METAP1: variants seen among roughly 807,000 people sequenced by gnomAD.
METAP1 encodes methionine aminopeptidase 1.
A neutral mutation model predicts 53.8 loss-of-function variants in METAP1; 28 were observed. That is an observed-to-expected ratio of 0.52 (90% confidence interval 0.39 to 0.71). The LOEUF (loss-of-function observed/expected upper bound fraction) is 0.71. METAP1 is among the 30% of genes least tolerant of loss of function. The pLI is 0.00. For missense variants in METAP1, 389 were observed against 479.8 expected, an observed-to-expected ratio of 0.81 and a Z score of 1.77; for synonymous variants, 181 against 165.7, an observed-to-expected ratio of 1.09 and a Z score of -0.71.
chr4:99,019,470 CTTG>C (rs1723961057), intron 1 of METAP1, among the ~76,000 whole-genome samples: 2 of 152,272 alleles, frequency 1.3e-5, no homozygotes, highest in Admixed American at 1.3e-4. Flanking sequence ...TGTCCCCCTT[CTTG>C]TTCTATTCTG....
At chr4:99,043,152 G>A in intron 6 of METAP1, 97 bp from the exon 7 acceptor site, 12 of 845,282 alleles carry the variant, frequency 1.4e-5, no homozygotes, top group Non-Finnish European at 2.0e-5. Context: ...ATAGTAGCAT[G>A]TGTCCAACTG....
At chr4:99,036,275 G>A (rs1434378726) in intron 4 of METAP1, among the ~76,000 whole-genome samples, 1 of 152,002 alleles carries the variant, frequency 6.6e-6, no homozygotes, top group Non-Finnish European at 1.5e-5. Context: ...ACATTCTTAT[G>A]AATATCATTT....
chr4:98,998,454 T>C (rs1722743917), intron 1 of METAP1, among the ~76,000 whole-genome samples: 1 of 152,106 alleles, frequency 6.6e-6, no homozygotes, highest in African/African-American at 2.4e-5. Flanking sequence ...ACCTGGGTGG[T>C]GGAGGTTGCA....
In METAP1 at chr4:99,061,138, T is replaced by A. The variant is rs1253104882; in HGVS notation, c.998-16T>A. The A allele has an allele frequency of 1.2e-6, 2 of 1,601,418 alleles. No homozygotes were observed. The highest frequency in any genetic ancestry group is 2.2e-5 in the South Asian group (2 of 89,218). On this transcript the variant is annotated splice_polypyrimidine_tract_variant and intron_variant, in intron 10 of 10. Coordinates refer to ENST00000296411, the MANE Select transcript of METAP1 (RefSeq NM_015143.3). The stretch of plus-strand genomic sequence containing the variant: ...GAAAACTGAGTGAACTAAGAAATTG[T>A]TTTTGTTTGTTGAAGGCGGATGGCA...
chr4:99,006,608 A>C (rs1431384559), intron 1 of METAP1, among the ~76,000 whole-genome samples: 2 of 152,202 alleles, frequency 1.3e-5, no homozygotes, highest in Non-Finnish European at 2.9e-5. Context: ...TACACCTAAG[A>C]AGATTAACAA....
At chr4:99,024,887 C>T (rs1237082276) in intron 1 of METAP1, among the ~76,000 whole-genome samples, 1 of 151,964 alleles carries the variant, frequency 6.6e-6, no homozygotes, top group African/African-American at 2.4e-5. Flanking sequence ...TTTCCATGGA[C>T]TTGGGGGTGG....
intron 1 of METAP1, among the ~76,000 whole-genome samples, chr4:99,019,792 CA>C (rs1723977497): frequency 6.6e-6 from 1 of 152,164 alleles, no homozygotes; most frequent in East Asian, 1.9e-4. Context: ...GATACCTGGC[CA>C]ACTATTGGTA....
At chr4:99,023,521 A>G in intron 1 of METAP1, 10 of 985,372 alleles carry the variant, frequency 1.0e-5, no homozygotes, top group Non-Finnish European at 1.2e-5. Context: ...ACTCTCATCA[A>G]CATGAATTGA....
chr4:99,030,782 T>G (rs1364342510), intron 2 of METAP1, among the ~76,000 whole-genome samples: 1 of 43,320 alleles, frequency 2.3e-5, no homozygotes, highest in Non-Finnish European at 9.4e-5. Flanking sequence ...ATAGTTAGGT[T>G]TTTTTTTTTT....
chr4:99,060,898 T>G (rs2110442848), intron 10 of METAP1, among the ~76,000 whole-genome samples: 1 of 152,354 alleles, frequency 6.6e-6, no homozygotes, highest in Non-Finnish European at 1.5e-5. Context: ...GTTGTTAAAA[T>G]GAAATCCAGC....
chr4:99,038,450 TTTA>T (rs1725595077), intron 4 of METAP1, among the ~76,000 whole-genome samples: 1 of 152,084 alleles, frequency 6.6e-6, no homozygotes, highest in South Asian at 2.1e-4. Context: ...TTACTTTTAC[TTTA>T]TTTATGAATG....
At chr4:99,056,152 A>G (rs1357294000) in intron 9 of METAP1, among the ~76,000 whole-genome samples, 1 of 152,194 alleles carries the variant, frequency 6.6e-6, no homozygotes, top group Non-Finnish European at 1.5e-5. Context: ...AGGGCGGGCA[A>G]ATTTGCCATT....
chr4:99,017,518 A>G (rs1723835573), intron 1 of METAP1, among the ~76,000 whole-genome samples: 1 of 152,254 alleles, frequency 6.6e-6, no homozygotes, highest in Non-Finnish European at 1.5e-5. Flanking sequence ...GGGGTTTCAG[A>G]TAGGTCTGGT....
At chr4:99,031,511 G>A (rs753706223) in intron 2 of METAP1, 7 of 1,288,114 alleles carry the variant, frequency 5.4e-6, no homozygotes, top group Non-Finnish European at 7.1e-6. Context: ...ATTACAGAGA[G>A]AAGGTGTTAT....
intron 1 of METAP1, among the ~76,000 whole-genome samples, chr4:99,008,252 A>G (rs1723275643): frequency 6.6e-6 from 1 of 152,196 alleles, no homozygotes; most frequent in African/African-American, 2.4e-5. Flanking sequence ...TTATGGAAGT[A>G]GGAGCAAGCT....
chr4:99,062,382 C>G lies in METAP1; in HGVS notation c.*1065C>G, dbSNP rs62325238. ...CTGTCCTTCGTGTGTGGAAACACAC[C>G]TCTCCTTTACATAGTTGGGAACCTC... On this transcript the variant is annotated 3_prime_UTR_variant, in exon 11 of 11. Transcript: ENST00000296411. The G allele has an allele frequency of 0.025, 3,744 of 152,632 alleles. 57 individuals are homozygous for G. The highest frequency in any genetic ancestry group is 0.035 in the Non-Finnish European group (2,354 of 68,044). 9.5% of individuals were successfully genotyped at this position (152,632 alleles called of 1,614,324 possible). A position where few individuals can be genotyped will look rare whatever the true frequency, so the allele number is the denominator to read the frequency against.
At position 99,016,813 on chromosome 4, in the gene METAP1, A is replaced by G. The variant is rs113502364; in HGVS notation, c.115-12054A>G. 3.2e-3 allele frequency among the ~76,000 whole-genome samples: 411 copies of G among 129,382 alleles called. 4 individuals carry two copies. Among genetic ancestry groups the G allele is most frequent in the African/African-American group, 0.011 (389 of 34,734 alleles). The allele number at this position is 129,382 out of a possible 152,430, so 84.9% of individuals were successfully genotyped here. On this transcript the variant is annotated intron_variant, in intron 1 of 10. Transcript: ENST00000296411. ...CTGGCCAGGGTGTAGATCCCAGTAC[A>G]TCCATAGACTGAGGACAGCGTCACA...
At chr4:99,044,116 A>T (rs950484775) in intron 7 of METAP1, among the ~76,000 whole-genome samples, 27 of 152,018 alleles carry the variant, frequency 1.8e-4, no homozygotes, top group Non-Finnish European at 3.1e-4. Flanking sequence ...TTTTGTAGAG[A>T]TGGGGTTTTG....
intron 1 of METAP1, among the ~76,000 whole-genome samples, chr4:99,016,206 C>G (rs1234140389): frequency 6.6e-6 from 1 of 152,176 alleles, no homozygotes; most frequent in Admixed American, 6.5e-5. Context: ...AGGAACTGAT[C>G]TTTGGTTTCA....
Sources: allele counts gnomAD v4.1 joint callset (sites outside exome capture counted in the v4.1 genomes callset), GRCh38; gene constraint gnomAD v4.1.1; transcripts MANE v1.5; gene names NCBI Gene and HGNC (gene_info 2026-07-23, HGNC 2026-07-21).